Variants in BTN3A1 observed in about 807,000 individuals in gnomAD.
BTN3A1 encodes the protein butyrophilin subfamily 3 member A1.
BTN3A1 carries 24 observed loss-of-function variants against 43.0 expected under a neutral mutation model. That is an observed-to-expected ratio of 0.56 (90% CI 0.40 to 0.78). The LOEUF is 0.78. BTN3A1 is among the 30% of genes least tolerant of loss of function. BTN3A1 has a pLI of 0.00. For synonymous variants in BTN3A1, 181 were observed against 234.7 expected (o/e 0.77, Z 2.09); for missense variants, 533 against 626.2 (o/e 0.85, Z 1.59).
rs1350879951 is a variant in BTN3A1 at position 26,402,324 on chromosome 6, G to A, written c.-281G>A. ...TCTGCTTTCTTTTTCCTTTCTTCCA[G>A]AAGGAGATTTAACCATAGTAGAAAG... is the stretch of plus-strand genomic sequence containing the variant. On this transcript the variant is annotated 5_prime_UTR_variant, in exon 1 of 10. Transcript: ENST00000289361. 6.6e-6 allele frequency: 1 copy of A among 152,198 alleles called. No individual in the cohort carries two copies. The highest frequency in any genetic ancestry group is 2.4e-5 in the African/African-American group (1 of 41,434). 9.4% of individuals were successfully genotyped at this position (152,198 alleles called of 1,614,324 possible).
At chr6:26,412,681 C>A in intron 9 of BTN3A1, 1 of 1,551,382 alleles carries the variant, frequency 6.4e-7, no homozygotes, top group South Asian at 1.2e-5. Flanking sequence ...GCTAGAGATT[C>A]ATTTGTTTAT....
At chr6:26,412,127 G>A (rs561607496) in intron 9 of BTN3A1, 3 of 341,864 alleles carry the variant, frequency 8.8e-6, no homozygotes, top group South Asian at 5.5e-5. Flanking sequence ...AGTTCAAACT[G>A]CGTGGTTGAA....
chr6:26,414,651 T>C lies in BTN3A1; in HGVS notation c.*959T>C, dbSNP rs1034266333. 1 of 151,872 alleles carries C rather than the reference T, an allele frequency of 6.6e-6. No homozygotes were observed. Among genetic ancestry groups the C allele is most frequent in the Admixed American group, 6.6e-5 (1 of 15,240 alleles). The allele number at this position is 151,872 out of a possible 1,614,324, so 9.4% of individuals were successfully genotyped here. A position where few individuals can be genotyped will look rare whatever the true frequency, so the allele number is the denominator to read the frequency against. ...AATACCCTAGAGATTCTCTGTGATATAGGAAATTTGGATGAAGGGAGCTAG... is the reference window on the plus strand; with the variant it reads ...AATACCCTAGAGATTCTCTGTGATACAGGAAATTTGGATGAAGGGAGCTAG... On this transcript the variant is annotated 3_prime_UTR_variant, in exon 10 of 10. Transcript: ENST00000289361.
rs780169318 is a variant in BTN3A1 at position 26,409,898 on chromosome 6, G to A, written c.921G>A (p.Lys307=). Residue 307 remains lysine (K), a synonymous_variant, in exon 6 of 10, where the codon AAG becomes AAA. Transcript: ENST00000289361. ...TMKQEQSTRV[K]LLEELRWRSI... Reference sequence around the variant, plus strand: ...TTATTTCTGCTTATTTTCCAGTGAAGCTCCTGGAGGAACTCAGTAAGTTCC... The same window carrying A: ...TTATTTCTGCTTATTTTCCAGTGAAACTCCTGGAGGAACTCAGTAAGTTCC... The A allele has an allele frequency of 3.1e-6, 5 of 1,614,026 alleles. No individual in the cohort carries two copies. In the African/African-American group the frequency reaches 5.3e-5, roughly 17 times the overall value.
chr6:26,403,986 T>C (rs190133110), intron 1 of BTN3A1: 17 of 152,284 alleles, frequency 1.1e-4, no homozygotes, highest in Non-Finnish European at 1.5e-5. Context: ...TATAGCAACA[T>C]AAAGAGCAGT....
intron 4 of BTN3A1, among the ~76,000 whole-genome samples, chr6:26,408,272 G>A (rs1762090662): frequency 6.6e-6 from 1 of 152,104 alleles, no homozygotes; most frequent in South Asian, 2.1e-4. Flanking sequence ...AACTCATAGA[G>A]AAAGAGCCAA....
At chr6:26,411,255 C>T (rs10946821) in intron 8 of BTN3A1, 120 bp downstream of exon 8, 201,718 of 1,318,264 alleles carry the variant, frequency 0.15, 16,692 homozygotes, top group South Asian at 0.22. Flanking sequence ...CCCAAAGACT[C>T]AATTTGTGTG....
chr6:26,408,379 G>A (rs991081212), intron 4 of BTN3A1, among the ~76,000 whole-genome samples: 1 of 152,144 alleles, frequency 6.6e-6, no homozygotes, highest in African/African-American at 2.4e-5. Context: ...TCACAAAAGA[G>A]TGTTCGTTCT....
rs1581624405 is a variant in BTN3A1 at position 26,406,243 on chromosome 6, G to A, written c.420G>A (p.Glu140=). 8.1e-7 allele frequency: 1 copy of A among 1,240,654 alleles called. No homozygotes were observed. Among genetic ancestry groups the A allele is most frequent in the Non-Finnish European group, 1.1e-6 (1 of 889,832 alleles). 76.9% of individuals were successfully genotyped at this position (1,240,654 alleles called of 1,614,324 possible). Residue 140 remains glutamate, a synonymous_variant, in exon 3 of 10, where the codon GAG becomes GAA. Coordinates refer to ENST00000289361, the MANE Select transcript of BTN3A1 (RefSeq NM_007048.6). ...DGDFYEKALV[E]LKVAALGSDL... ...ACTTCTATGAAAAAGCCCTGGTGGA[G>A]CTGAAGGTTGCAGGTGAGCCTCCAG...
intron 7 of BTN3A1, 86 bp from the exon 8 acceptor site, chr6:26,411,023 A>AAAAAAAAAAAAT: frequency 3.9e-6 from 4 of 1,013,028 alleles, no homozygotes; most frequent in South Asian, 1.9e-5. Context: ...AAAAAAAAAA[A>AAAAAAAAAAAAT]GATTAGATGG....
In BTN3A1 at chr6:26,407,673, C is replaced by T. The variant is rs770236343; in HGVS notation, c.436C>T (p.Leu146=). 3.7e-6 allele frequency: 6 copies of T among 1,613,876 alleles called. No homozygotes were observed. Among genetic ancestry groups the T allele is most frequent in the Non-Finnish European group, 5.1e-6 (6 of 1,179,900 alleles). ...TAGGCTAATTCATCCTTCCACAGCA[C>T]TGGGTTCTGATCTTCACGTTGATGT... is the stretch of plus-strand genomic sequence containing the variant. ...KALVELKVAA[L]GSDLHVDVKG... is the part of the protein sequence containing the mutation. Residue 146 remains leucine, a splice_region_variant and synonymous_variant, in exon 4 of 10, where the codon CTG becomes TTG. Transcript: ENST00000289361.
In BTN3A1 at chr6:26,406,534, T is replaced by C. The variant is rs540781022; in HGVS notation, c.433+278T>C. Among the ~76,000 whole-genome samples, 4 of 152,316 alleles carry C rather than the reference T, an allele frequency of 2.6e-5. No homozygotes were observed. The East Asian group carries it at 5.8e-4, about 22-fold the overall frequency. On this transcript the variant is annotated intron_variant, in intron 3 of 9. Transcript: ENST00000289361. The stretch of plus-strand genomic sequence containing the variant: ...GACAAGGGATAGAAAGCATAAGAAA[T>C]CATCTCTTCAGTGACTAGTACACAG...
At chr6:26,411,905 G>A (rs1762234523) in intron 9 of BTN3A1, 3 of 282,416 alleles carry the variant, frequency 1.1e-5, no homozygotes, top group Non-Finnish European at 2.0e-5. Flanking sequence ...GAAATGCCAA[G>A]GAAAGGAGGC....
chr6:26,407,769 C>A lies in BTN3A1; in HGVS notation c.532C>A (p.Gln178Lys). The change falls in exon 4 of 10, where the codon CAG becomes AAG. Residue 178 changes from glutamine to lysine, a missense_variant. This residue lies in a region of BTN3A1 where 415 missense variants were observed against 427.0 expected (regional missense o/e 0.97). Transcript: ENST00000289361. The part of the protein sequence containing the change: ...STGWYPQPQI[Q>K]WSNNKGENIP... ...TGGCTGGTACCCCCAACCCCAAATA[C>A]AGTGGAGCAACAACAAGGGAGAGAA... 2 of 1,614,210 alleles carry A rather than the reference C, an allele frequency of 1.2e-6. No homozygotes were observed. The highest frequency in any genetic ancestry group is 1.7e-6 in the Non-Finnish European group (2 of 1,180,034).
Position 26,413,559 on chromosome 6 carries a change from A to T in BTN3A1, c.1409A>T (p.Asp470Val). The T allele has an allele frequency of 6.2e-7, 1 of 1,614,114 alleles. No homozygotes were observed. The highest frequency in any genetic ancestry group is 8.5e-7 in the Non-Finnish European group (1 of 1,180,020). The change falls in exon 10 of 10, where the codon GAT becomes GTT. Residue 470 changes from aspartate (D) to valine (V), a missense_variant. This residue lies in a region of BTN3A1 where 415 missense variants were observed against 427.0 expected (regional missense o/e 0.97). Coordinates refer to ENST00000289361, the MANE Select transcript of BTN3A1 (RefSeq NM_007048.6). ...GTCTTCCTGGACTATGAGACTGGAGATATCTCATTCTACAATGCTGTGGAT... is the reference window on the plus strand; with the variant it reads ...GTCTTCCTGGACTATGAGACTGGAGTTATCTCATTCTACAATGCTGTGGAT... ...VGVFLDYETG[D>V]ISFYNAVDGS... is the part of the protein sequence containing the mutation.
Position 26,409,930 on chromosome 6 carries a change from C to G in BTN3A1, c.937+16C>G, listed in dbSNP as rs1447232266. 5.0e-6 allele frequency: 8 copies of G among 1,614,044 alleles called. No homozygotes were observed. The highest frequency in any genetic ancestry group is 1.7e-5 in the Admixed American group (1 of 60,000). On this transcript the variant is annotated intron_variant, in intron 6 of 9. Transcript: ENST00000289361. Reference sequence around the variant, plus strand: ...GAGGAACTCAGTAAGTTCCCATTCCCCCAGAGACCCAGGCATGTCTTCCTG... The same window carrying G: ...GAGGAACTCAGTAAGTTCCCATTCCGCCAGAGACCCAGGCATGTCTTCCTG...
At position 26,407,916 on chromosome 6, in the gene BTN3A1, C is replaced by A; in HGVS notation, c.679C>A (p.Leu227Ile). The A allele has an allele frequency of 6.2e-7, 1 of 1,614,190 alleles. No homozygotes were observed. The highest frequency in any genetic ancestry group is 8.5e-7 in the Non-Finnish European group (1 of 1,180,022). Reference protein sequence around the residue: ...GVSCTIRSSLLGLEKTASISI... With the variant: ...GVSCTIRSSLIGLEKTASISI... ...ATCCTGTACCATCAGAAGTTCCCTC[C>A]TCGGCCTGGAAAAGACAGCCAGCAT... The change falls in exon 4 of 10, where the codon CTC (leucine) becomes ATC (isoleucine). Residue 227 changes from leucine to isoleucine, a missense_variant. This residue lies in a region of BTN3A1 where 415 missense variants were observed against 427.0 expected (regional missense o/e 0.97). Coordinates refer to ENST00000289361, the MANE Select transcript of BTN3A1 (RefSeq NM_007048.6).
intron 9 of BTN3A1, 103 bp from the exon 10 acceptor site, chr6:26,413,066 T>G: frequency 6.6e-7 from 1 of 1,524,646 alleles, no homozygotes. Flanking sequence ...ACACCAGGCT[T>G]TGGACTCAGA....
Position 26,413,930 on chromosome 6 carries a change from A to G in BTN3A1, c.*238A>G. On this transcript the variant is annotated 3_prime_UTR_variant, in exon 10 of 10. Coordinates refer to ENST00000289361, the MANE Select transcript of BTN3A1 (RefSeq NM_007048.6). ...ATACTCATTCAATTATTCATATGAC[A>G]GTTGTTTGAGTTTGGTACCATCTTA... 1.5e-6 allele frequency: 1 copy of G among 661,156 alleles called. No homozygotes were observed. Among genetic ancestry groups the G allele is most frequent in the South Asian group, 1.9e-5 (1 of 52,940 alleles). 41.0% of individuals were successfully genotyped at this position (661,156 alleles called of 1,614,324 possible). A position where few individuals can be genotyped will look rare whatever the true frequency, so the allele number is the denominator to read the frequency against.
Sources: gnomAD v4.1 joint callset for allele counts (sites outside exome capture counted in the v4.1 genomes callset) on GRCh38, gnomAD v4.1.1 for gene constraint, gnomAD v4.1.1 regional missense constraint, MANE v1.5 for transcripts, NCBI Gene and HGNC (gene_info 2026-07-23, HGNC 2026-07-21) for gene names.